Variants in KDM7A observed in about 807,000 individuals in gnomAD.
KDM7A encodes lysine demethylase 7A.
Under a neutral mutation model 114.8 loss-of-function variants are expected in KDM7A, and 28 were observed. That is an observed-to-expected ratio of 0.24 (90% confidence interval 0.18 to 0.33). The LOEUF is 0.33. Among genes scored for constraint, KDM7A ranks in the 10% least tolerant of loss-of-function variants. KDM7A has a pLI of 1.00. For missense variants in KDM7A, 942 were observed against 1,142.5 expected (o/e 0.82, Z 2.53); for synonymous variants, 423 against 397.8 (o/e 1.06, Z -0.75).
rs1401456438 is a variant in KDM7A, at chr7:140,097,760, A to G, written c.1919-118T>C. ...GATGTCTCTCAATCTCTCTTGCTCT[A>G]CCCTCCTTTTTCACTTTTATTTTCT... On this transcript the variant is annotated intron_variant, in intron 14 of 19. Coordinates refer to ENST00000397560, the MANE Select transcript of KDM7A (RefSeq NM_030647.2). The G allele has an allele frequency of 6.9e-6, 4 of 576,058 alleles. No individual in the cohort carries two copies. The African/African-American group carries it at 7.5e-5, about 11-fold the overall frequency. 35.7% of individuals were successfully genotyped at this position (576,058 alleles called of 1,614,324 possible). A position where few individuals can be genotyped will look rare whatever the true frequency, so the allele number is the denominator to read the frequency against.
At chr7:140,136,017 T>G (rs1360485435) in intron 2 of KDM7A, among the ~76,000 whole-genome samples, 1 of 152,176 alleles carries the variant, frequency 6.6e-6, no homozygotes, top group African/African-American at 2.4e-5. Flanking sequence ...TGGAGTACAG[T>G]GGCGCAATCA....
intron 14 of KDM7A, among the ~76,000 whole-genome samples, chr7:140,098,218 T>C (rs1176149990): frequency 6.6e-6 from 1 of 152,222 alleles, no homozygotes; most frequent in Non-Finnish European, 1.5e-5. Flanking sequence ...TCAACATGGA[T>C]TAAATAATGT....
chr7:140,114,847 C>T (rs1386756805), intron 9 of KDM7A, among the ~76,000 whole-genome samples: 1 of 149,636 alleles, frequency 6.7e-6, no homozygotes, highest in African/African-American at 2.5e-5. Flanking sequence ...AGGAGCCCCT[C>T]CGCCCGGCAG....
chr7:140,102,240 T>C (rs1818243019), intron 11 of KDM7A, 80 bp from the exon 12 acceptor site: 1 of 1,070,174 alleles, frequency 9.3e-7, no homozygotes. Flanking sequence ...CATAAAAATA[T>C]TTCAGAAAAC....
At chr7:140,114,274 T>C (rs1048077070) in intron 9 of KDM7A, among the ~76,000 whole-genome samples, 2 of 152,060 alleles carry the variant, frequency 1.3e-5, no homozygotes, top group African/African-American at 4.8e-5. Flanking sequence ...CCTGCTTGAT[T>C]CTCCTGCCTC....
At chr7:140,120,595 T>C in intron 7 of KDM7A, 66 bp from the exon 8 acceptor site, 2 of 899,830 alleles carry the variant, frequency 2.2e-6, no homozygotes, top group South Asian at 1.4e-5. Context: ...ATAGGATATC[T>C]ACCTGTGAAG....
chr7:140,099,031 T>A lies in KDM7A; in HGVS notation c.1766A>T (p.Asp589Val), dbSNP rs1261408196. 1.9e-6 allele frequency: 3 copies of A among 1,607,760 alleles called. No homozygotes were observed. Among genetic ancestry groups the A allele is most frequent in the Non-Finnish European group, 1.7e-6 (2 of 1,177,310 alleles). ...LLLTNGRIIK[D>V]ERQPFADQSL... Reference sequence around the variant, plus strand: ...TTGATCTGCAAAGGGCTGCCTTTCATCTCTGTATTAAGAAGGAAAAGTAAT... The same window carrying A: ...TTGATCTGCAAAGGGCTGCCTTTCAACTCTGTATTAAGAAGGAAAAGTAAT... The change falls in exon 14 of 20, where the codon GAT becomes GTT. Residue 589 changes from aspartate to valine, a missense_variant and splice_region_variant. Coordinates refer to ENST00000397560, the MANE Select transcript of KDM7A (RefSeq NM_030647.2).
intron 11 of KDM7A, among the ~76,000 whole-genome samples, chr7:140,104,617 AT>A (rs1393518788): frequency 1.3e-5 from 2 of 152,032 alleles, no homozygotes; most frequent in Admixed American, 1.3e-4. Context: ...GTGTGGTATT[AT>A]TTCTGAGGGC....
At chr7:140,144,938 C>A (rs1427734488) in intron 1 of KDM7A, among the ~76,000 whole-genome samples, 1 of 152,156 alleles carries the variant, frequency 6.6e-6, no homozygotes, top group Non-Finnish European at 1.5e-5. Flanking sequence ...ACCTACTCCC[C>A]CTTCGCCTTC....
intron 11 of KDM7A, 53 bp from the exon 12 acceptor site, chr7:140,102,213 G>C (rs1020560031): frequency 1.1e-5 from 13 of 1,212,304 alleles, no homozygotes; most frequent in African/African-American, 1.5e-5. Context: ...ACACACATAC[G>C]TGACTAAATA....
At chr7:140,127,888 T>C (rs1209065718) in intron 4 of KDM7A, among the ~76,000 whole-genome samples, 4 of 152,168 alleles carry the variant, frequency 2.6e-5, no homozygotes, top group African/African-American at 4.8e-5. Context: ...CAGCTCATAA[T>C]GACAAAAAAA....
intron 1 of KDM7A, among the ~76,000 whole-genome samples, chr7:140,169,963 C>T (rs1326058801): frequency 6.6e-6 from 1 of 152,050 alleles, no homozygotes; most frequent in African/African-American, 2.4e-5. Flanking sequence ...AAGTGAAACA[C>T]ACAAATACTC....
chr7:140,120,185 C>A (rs1320530352), intron 8 of KDM7A, among the ~76,000 whole-genome samples: 2 of 152,110 alleles, frequency 1.3e-5, no homozygotes. Context: ...TACATTTTCA[C>A]AAAATTTTGA....
chr7:140,125,941 G>C (rs1818695218), intron 6 of KDM7A, among the ~76,000 whole-genome samples: 1 of 151,296 alleles, frequency 6.6e-6, no homozygotes, highest in Non-Finnish European at 1.5e-5. Flanking sequence ...ATCTCGCTCT[G>C]TTGCCCAGGC....
chr7:140,106,681 T>C (rs980233410), intron 11 of KDM7A, among the ~76,000 whole-genome samples: 4 of 152,230 alleles, frequency 2.6e-5, no homozygotes, highest in African/African-American at 9.6e-5. Flanking sequence ...TTCTTTTACA[T>C]TCGCTGAGGA....
intron 3 of KDM7A, among the ~76,000 whole-genome samples, chr7:140,132,124 ATAAT>A (rs1818797287): frequency 6.6e-6 from 1 of 152,218 alleles, no homozygotes; most frequent in South Asian, 2.1e-4. Context: ...GAGGGGAAAG[ATAAT>A]TCATTCACTT....
At chr7:140,155,398 C>T (rs1172898070) in intron 1 of KDM7A, among the ~76,000 whole-genome samples, 1 of 152,248 alleles carries the variant, frequency 6.6e-6, no homozygotes, top group African/African-American at 2.4e-5. Context: ...AAGGTATAAT[C>T]TAGCACCACA....
In KDM7A at chr7:140,106,662, T is replaced by C. The variant is rs1452265129; in HGVS notation, c.1428+4433A>G. On this transcript the variant is annotated intron_variant, in intron 11 of 19. Coordinates refer to ENST00000397560, the MANE Select transcript of KDM7A (RefSeq NM_030647.2). ...CTGTGGTCTGAGAGACAGTTTGTTA[T>C]AGTTTCTGTTCTTTTACATTCGCTG... Among the ~76,000 whole-genome samples, 5 of 152,348 alleles carry C rather than the reference T, an allele frequency of 3.3e-5. No individual in the cohort carries two copies. In the South Asian group the frequency reaches 6.2e-4, roughly 19 times the overall value.
At chr7:140,094,377 C>T (rs1044686645) in intron 17 of KDM7A, among the ~76,000 whole-genome samples, 11 of 152,182 alleles carry the variant, frequency 7.2e-5, no homozygotes, top group African/African-American at 2.6e-4. Flanking sequence ...TGGTGGCGGA[C>T]GCCTGTAATC....
Sources: gnomAD v4.1 joint callset for allele counts (sites outside exome capture counted in the v4.1 genomes callset) on GRCh38, gnomAD v4.1.1 for gene constraint, MANE v1.5 for transcripts, NCBI Gene and HGNC (gene_info 2026-07-23, HGNC 2026-07-21) for gene names.